The following COMMD10 variants were observed in gnomAD, a reference collection of about 807,000 sequenced individuals.
The protein encoded by COMMD10 is COMM domain containing 10.
In COMMD10, 33 loss-of-function variants were observed where a neutral mutation model predicts 28.9. The ratio of observed to expected loss-of-function variants is 1.14; its 90% CI spans 0.87 to 1.53. COMMD10 has a LOEUF of 1.53. Ranked by LOEUF, COMMD10 falls within the 40% of genes most tolerant of loss-of-function variation. COMMD10 has a pLI of 0.00. For missense variants in COMMD10, 310 were observed against 233.4 expected (o/e 1.33, Z -2.14); for synonymous variants, 110 against 81.7 (o/e 1.35, Z -1.87).
intron 5 of COMMD10, among the ~76,000 whole-genome samples, chr5:116,288,748 A>T (rs1751285163): frequency 6.7e-6 from 1 of 150,224 alleles, no homozygotes; most frequent in East Asian, 1.9e-4. Flanking sequence ...CCATTCCGTT[A>T]CTGTATTTTT....
At chr5:116,212,074 C>T (rs1236844397) in intron 5 of COMMD10, among the ~76,000 whole-genome samples, 1 of 152,046 alleles carries the variant, frequency 6.6e-6, no homozygotes, top group Non-Finnish European at 1.5e-5. Context: ...AAACTATTAC[C>T]ATCTGTATTT....
intron 5 of COMMD10, among the ~76,000 whole-genome samples, chr5:116,149,269 G>A (rs1281988613): frequency 1.4e-5 from 2 of 142,152 alleles, no homozygotes; most frequent in Non-Finnish European, 3.0e-5. Flanking sequence ...TGGACATTTG[G>A]GTTGGTTCTA....
chr5:116,120,155 T>G lies in COMMD10; in HGVS notation c.400-13913T>G, dbSNP rs1227736844. 2.6e-5 allele frequency among the ~76,000 whole-genome samples: 4 copies of G among 152,088 alleles called. No individual in the cohort carries two copies. In the East Asian group the frequency reaches 7.7e-4, roughly 29 times the overall value. ...AAGAAAATATGGTATATATACACTA[T>G]GGAGTACTACTCAGCCATAAAAAGG... On this transcript the variant is annotated intron_variant, in intron 4 of 6. Transcript: ENST00000274458.
At chr5:116,109,758 A>T (rs1750979589) in intron 4 of COMMD10, among the ~76,000 whole-genome samples, 1 of 152,192 alleles carries the variant, frequency 6.6e-6, no homozygotes, top group Admixed American at 6.5e-5. Flanking sequence ...ACATTCATTT[A>T]TTAAATCTAA....
chr5:116,091,002 A>T, intron 2 of COMMD10, 77 bp from the exon 3 acceptor site: 1 of 805,898 alleles, frequency 1.2e-6, no homozygotes, highest in East Asian at 2.7e-5. Context: ...ATATACGAAT[A>T]AATGAATCTT....
At chr5:116,102,189 A>G (rs1236646512) in intron 4 of COMMD10, among the ~76,000 whole-genome samples, 2 of 152,190 alleles carry the variant, frequency 1.3e-5, no homozygotes, top group Non-Finnish European at 2.9e-5. Context: ...TTAAATTTCA[A>G]GTATTCCATT....
At chr5:116,292,139 C>A (rs1318415755) in intron 6 of COMMD10, among the ~76,000 whole-genome samples, 1 of 151,600 alleles carries the variant, frequency 6.6e-6, no homozygotes, top group East Asian at 1.9e-4. Flanking sequence ...AATAAAACCC[C>A]ATGTCTCATT....
At chr5:116,211,797 C>G (rs1015829802) in intron 5 of COMMD10, among the ~76,000 whole-genome samples, 1 of 152,068 alleles carries the variant, frequency 6.6e-6, no homozygotes, top group African/African-American at 2.4e-5. Flanking sequence ...CACACTCTCT[C>G]ACAGAGGCAG....
At chr5:116,194,845 G>A (rs115028415) in intron 5 of COMMD10, among the ~76,000 whole-genome samples, 2,403 of 152,052 alleles carry the variant, frequency 0.016, 68 homozygotes, top group African/African-American at 0.056. Context: ...ACCAAAATCA[G>A]GAAAGGACAT....
Position 116,292,568 on chromosome 5 carries a change from T to C in COMMD10, c.*79T>C, listed in dbSNP as rs556896145. 1.6e-6 allele frequency: 2 copies of C among 1,224,676 alleles called. No homozygotes were observed. Among genetic ancestry groups the C allele is most frequent in the Non-Finnish European group, 2.3e-6 (2 of 867,740 alleles). The allele number at this position is 1,224,676 out of a possible 1,614,324, so 75.9% of individuals were successfully genotyped here. On this transcript the variant is annotated 3_prime_UTR_variant, in exon 7 of 7. Transcript: ENST00000274458. Reference sequence around the variant, plus strand: ...TTGAAGATACATTGCCAGGTTGTGTTTTCTGAAGGATTCAGTGACTTGCTT... The same window carrying C: ...TTGAAGATACATTGCCAGGTTGTGTCTTCTGAAGGATTCAGTGACTTGCTT...
intron 5 of COMMD10, among the ~76,000 whole-genome samples, chr5:116,175,961 C>T (rs964494338): frequency 7.9e-5 from 12 of 151,932 alleles, no homozygotes; most frequent in African/African-American, 2.9e-4. Context: ...GTGATGGTTG[C>T]ACAACAATAT....
chr5:116,098,964 T>C (rs1228571702), intron 4 of COMMD10, among the ~76,000 whole-genome samples: 1 of 152,194 alleles, frequency 6.6e-6, no homozygotes, highest in African/African-American at 2.4e-5. Flanking sequence ...CTTTTATGTG[T>C]GGGTGAGTGT....
intron 5 of COMMD10, among the ~76,000 whole-genome samples, chr5:116,248,374 A>AGT (rs1750016431): frequency 1.6e-5 from 1 of 61,406 alleles, no homozygotes. Context: ...TATAATATTA[A>AGT]GAGTTAGGCA....
chr5:116,293,025 A>G lies in COMMD10; in HGVS notation c.*536A>G, dbSNP rs1317768973. The G allele has an allele frequency of 1.0e-5, 4 of 397,312 alleles. No individual in the cohort carries two copies. 24.6% of individuals were successfully genotyped at this position (397,312 alleles called of 1,614,324 possible). ...GTAAAATAGTGAGTAGTATGGTATC[A>G]GTTAATTCCAGTCTGAGCTTCTCTG... On this transcript the variant is annotated 3_prime_UTR_variant, in exon 7 of 7. Transcript: ENST00000274458.
chr5:116,196,168 A>G (rs530097050), intron 5 of COMMD10, among the ~76,000 whole-genome samples: 1 of 152,206 alleles, frequency 6.6e-6, no homozygotes, highest in African/African-American at 2.4e-5. Context: ...TCACAAATAC[A>G]AAGTCATGGA....
intron 5 of COMMD10, among the ~76,000 whole-genome samples, chr5:116,214,679 A>G (rs1749053892): frequency 6.6e-6 from 1 of 152,080 alleles, no homozygotes; most frequent in Admixed American, 6.5e-5. Context: ...TCTTTTCATT[A>G]GTATTATCAT....
intron 4 of COMMD10, among the ~76,000 whole-genome samples, chr5:116,107,939 C>T (rs1158447720): frequency 1.3e-5 from 2 of 151,892 alleles, no homozygotes; most frequent in African/African-American, 4.8e-5. Context: ...CTGTCAGGCC[C>T]TTCTGCTGGA....
intron 5 of COMMD10, among the ~76,000 whole-genome samples, chr5:116,145,965 A>C (rs10478280): frequency 0.5 from 76,574 of 151,662 alleles, 21,941 homozygotes; most frequent in Non-Finnish European, 0.65. Flanking sequence ...GGCAGTTCTT[A>C]ATAGCAGTAT....
At chr5:116,198,747 T>C (rs7725500) in intron 5 of COMMD10, among the ~76,000 whole-genome samples, 1 of 152,006 alleles carries the variant, frequency 6.6e-6, no homozygotes, top group Non-Finnish European at 1.5e-5. Flanking sequence ...CTTTCACTTA[T>C]TAGTATGCAT....
Sources: allele counts gnomAD v4.1 joint callset (sites outside exome capture counted in the v4.1 genomes callset), GRCh38; gene constraint gnomAD v4.1.1; transcripts MANE v1.5; gene names NCBI Gene and HGNC (gene_info 2026-07-23, HGNC 2026-07-21).